The following NR3C1 variants were observed in gnomAD, a reference collection of about 807,000 sequenced individuals.
NR3C1 encodes glucocorticoid receptor.
In NR3C1, 14 loss-of-function variants were observed where a neutral mutation model predicts 74.0. The observed-to-expected ratio is 0.19, with a 90% CI of 0.12 to 0.30. The LOEUF (loss-of-function observed/expected upper bound fraction) is 0.30. Among genes scored for constraint, NR3C1 ranks in the 10% least tolerant of loss-of-function variants. The pLI is 1.00. For missense variants in NR3C1, 695 were observed against 909.8 expected (o/e 0.76, Z 3.04); for synonymous variants, 308 against 332.5 (o/e 0.93, Z 0.80).
chr5:143,298,631 C>CT, intron 6 of NR3C1, 37 bp downstream of exon 6: 2 of 1,602,072 alleles, frequency 1.2e-6, no homozygotes, highest in South Asian at 2.2e-5. Context: ...TAAAGATACC[C>CT]TATGAATACA....
chr5:143,291,460 G>A (rs901537787), intron 7 of NR3C1, among the ~76,000 whole-genome samples: 4 of 152,022 alleles, frequency 2.6e-5, no homozygotes, highest in African/African-American at 9.7e-5. Context: ...TCTTGACTCT[G>A]TGATCTGCCT....
chr5:143,347,731 T>C (rs1215710672), intron 2 of NR3C1, among the ~76,000 whole-genome samples: 1 of 152,210 alleles, frequency 6.6e-6, no homozygotes, highest in East Asian at 1.9e-4. Context: ...TTGTGTGAAA[T>C]GACATTGATG....
At chr5:143,310,263 T>C (rs746129458) in intron 3 of NR3C1, 50 bp from the exon 4 acceptor site, 2 of 1,272,454 alleles carry the variant, frequency 1.6e-6, no homozygotes, top group East Asian at 4.6e-5. Flanking sequence ...TTCAAACATA[T>C]TTTATAAGGA....
upstream of NR3C1, chr5:143,404,368 AT>A (rs1299381841): frequency 1.0e-6 from 1 of 984,718 alleles, no homozygotes; most frequent in Non-Finnish European, 1.2e-6. Flanking sequence ...GGGTCGGCGC[AT>A]ACGTACTTTG....
intron 7 of NR3C1, among the ~76,000 whole-genome samples, chr5:143,286,059 G>C (rs989318402): frequency 1.1e-4 from 16 of 151,068 alleles, no homozygotes; most frequent in African/African-American, 3.4e-4. Flanking sequence ...CCATTAGAAG[G>C]ATATTATGGG....
Position 143,403,561 on chromosome 5 carries a change from C to G in NR3C1, c.-364G>C, listed in dbSNP as rs980582266. The G allele has an allele frequency of 4.1e-6, 4 of 985,914 alleles. No individual in the cohort carries two copies. The highest frequency in any genetic ancestry group is 4.8e-6 in the Non-Finnish European group (4 of 830,486). 61.1% of individuals were successfully genotyped at this position (985,914 alleles called of 1,614,324 possible). ...CGACGGGCAGGCGGTGACTCGGGCT[C>G]CCGTCACAGACACGAGCTCGCAAAA... On this transcript the variant is annotated 5_prime_UTR_variant, in exon 1 of 9. Transcript: ENST00000394464.
chr5:143,310,762 A>G (rs1820745828), intron 3 of NR3C1, among the ~76,000 whole-genome samples: 1 of 152,036 alleles, frequency 6.6e-6, no homozygotes, highest in African/African-American at 2.4e-5. Context: ...GGTTCAAGCA[A>G]TTCTCCTGGC....
chr5:143,295,524 T>C lies in NR3C1; in HGVS notation c.1959A>G (p.Leu653=), dbSNP rs1379957147. ...CTTCATAAGATACCTGAAGCCTGTG[T>C]AACTCAGAGGAAACATACAGCATGT... ...CKHMLYVSSE[L]HRLQVSYEEY... Residue 653 remains leucine, a synonymous_variant, in exon 7 of 9, where the codon TTA becomes TTG. Coordinates refer to ENST00000394464, the MANE Select transcript of NR3C1 (RefSeq NM_000176.3). The C allele has an allele frequency of 6.2e-7, 1 of 1,613,400 alleles. No individual in the cohort carries two copies. Among genetic ancestry groups the C allele is most frequent in the African/African-American group, 1.3e-5 (1 of 75,018 alleles).
In NR3C1 at chr5:143,279,419, G is replaced by A; in HGVS notation, c.*2470C>T. 2 of 1,521,358 alleles carry A rather than the reference G, an allele frequency of 1.3e-6. No individual in the cohort carries two copies. The highest frequency in any genetic ancestry group is 8.8e-7 in the Non-Finnish European group (1 of 1,138,048). The allele number at this position is 1,521,358 out of a possible 1,614,324, so 94.2% of individuals were successfully genotyped here. On this transcript the variant is annotated 3_prime_UTR_variant, in exon 9 of 9. Transcript: ENST00000394464. ...TTTTAACCACATAACATTCTATAAA[G>A]GAATGATAATCTACGTTTTAGAAGC... is the stretch of plus-strand genomic sequence containing the variant.
In NR3C1 at chr5:143,358,900, CA is replaced by C. The variant is rs200756825; in HGVS notation, c.1184+40755del. ...CGTGAACAAGAGCAAAACTCCATTT[CA>C]AAAAAAAAAAAAATTAAATCTTATG... On this transcript the variant is annotated intron_variant, in intron 2 of 8. Transcript: ENST00000394464. Among the ~76,000 whole-genome samples, 1,504 of 131,330 alleles carry C rather than the reference CA, an allele frequency of 0.011. 56 individuals are homozygous for C. In the East Asian group the frequency reaches 0.13, roughly 12 times the overall value. The allele number at this position is 131,330 out of a possible 152,430, so 86.2% of individuals were successfully genotyped here.
intron 2 of NR3C1, chr5:143,333,321 C>T (rs898352117): frequency 1.0e-5 from 7 of 687,564 alleles, no homozygotes; most frequent in Non-Finnish European, 1.8e-5. Context: ...GTTCTTTTTG[C>T]ATTTACTAGT....
intron 2 of NR3C1, among the ~76,000 whole-genome samples, chr5:143,322,176 C>T (rs1823522568): frequency 6.6e-6 from 1 of 152,162 alleles, no homozygotes; most frequent in Non-Finnish European, 1.5e-5. Flanking sequence ...GAGGTGGGTA[C>T]TATTTTCAGC....
intron 1 of NR3C1, among the ~76,000 whole-genome samples, chr5:143,424,692 G>A (rs1333202452): frequency 6.6e-6 from 1 of 152,126 alleles, no homozygotes; most frequent in Non-Finnish European, 1.5e-5. Context: ...ATGTATGAAT[G>A]AGAGAGTTAC....
intron 4 of NR3C1, among the ~76,000 whole-genome samples, chr5:143,306,594 C>A (rs1346975967): frequency 6.6e-6 from 1 of 152,046 alleles, no homozygotes; most frequent in African/African-American, 2.4e-5. Flanking sequence ...ATGATATGTG[C>A]CACACGGTAC....
At chr5:143,421,401 CT>C (rs1460685286) in intron 1 of NR3C1, among the ~76,000 whole-genome samples, 10 of 152,176 alleles carry the variant, frequency 6.6e-5, no homozygotes, top group African/African-American at 2.4e-4. Context: ...CTACAGTGAC[CT>C]TGATAAACTC....
At chr5:143,361,283 T>C (rs1832186070) in intron 2 of NR3C1, among the ~76,000 whole-genome samples, 1 of 152,124 alleles carries the variant, frequency 6.6e-6, no homozygotes, top group South Asian at 2.1e-4. Flanking sequence ...AAACTGAAAA[T>C]TGTTAAATTT....
intron 2 of NR3C1, among the ~76,000 whole-genome samples, chr5:143,330,806 A>G (rs797008002): frequency 3.3e-5 from 5 of 152,330 alleles, no homozygotes; most frequent in African/African-American, 9.6e-5. Context: ...TTCACAAGTA[A>G]AAATAGTTAA....
At chr5:143,404,071 C>A, upstream of NR3C1, 1 of 985,648 alleles carries the variant, frequency 1.0e-6, no homozygotes, top group Non-Finnish European at 1.2e-6. Flanking sequence ...CCGCCCAGCT[C>A]CGCGGCTCCA....
At chr5:143,376,382 C>G (rs1372731532) in intron 2 of NR3C1, among the ~76,000 whole-genome samples, 1 of 152,214 alleles carries the variant, frequency 6.6e-6, no homozygotes, top group African/African-American at 2.4e-5. Context: ...CTCTTTACTT[C>G]TTGCACATGA....
Sources: gnomAD v4.1 joint callset for allele counts (sites outside exome capture counted in the v4.1 genomes callset) on GRCh38, gnomAD v4.1.1 for gene constraint, MANE v1.5 for transcripts, NCBI Gene and HGNC (gene_info 2026-07-23, HGNC 2026-07-21) for gene names.